CFAP44: variants seen among roughly 807,000 people sequenced by gnomAD.
CFAP44 encodes cilia- and flagella-associated protein 44.
A neutral mutation model predicts 216.2 loss-of-function variants in CFAP44; 134 were observed. That is an observed-to-expected ratio of 0.62 (90% CI 0.54 to 0.72). The LOEUF is 0.72. CFAP44 is among the 30% of genes least tolerant of loss of function. The pLI, the probability that CFAP44 is intolerant of heterozygous loss-of-function variation, is 0.00. For missense variants in CFAP44, 2,035 were observed against 2,182.1 expected, an observed-to-expected ratio of 0.93 and a Z score of 1.34; for synonymous variants, 700 against 727.6, an observed-to-expected ratio of 0.96 and a Z score of 0.61.
chr3:113,312,191 C>G (rs1391142076), intron 28 of CFAP44, among the ~76,000 whole-genome samples: 15 of 150,976 alleles, frequency 9.9e-5, no homozygotes, highest in African/African-American at 3.7e-4. Flanking sequence ...CCTGCCTCAG[C>G]CTCCCAAGTA....
chr3:113,327,631 C>T lies in CFAP44; in HGVS notation c.4305G>A (p.Glu1435=), dbSNP rs1950199863. ...CCACTCATACTTGCATGTACTGTTC[C>T]TCTTTGTCTAAGGAATTAACACGTT... ...LQERVNSLDK[E]EQYMQWKINE... The change falls in exon 27 of 35, where the codon GAG becomes GAA. Residue 1435 remains glutamate, a synonymous_variant. Transcript: ENST00000393845. The T allele has an allele frequency of 1.3e-6, 2 of 1,536,686 alleles. No homozygotes were observed. The highest frequency in any genetic ancestry group is 8.7e-7 in the Non-Finnish European group (1 of 1,146,564).
At chr3:113,399,884 T>C (rs1332043294) in intron 13 of CFAP44, 22 bp downstream of exon 13, 2 of 1,515,592 alleles carry the variant, frequency 1.3e-6, no homozygotes, top group Non-Finnish European at 1.8e-6. Flanking sequence ...ATTCTGGTAG[T>C]TCATTATAAC....
intron 3 of CFAP44, chr3:113,426,843 AT>A (rs1200646628): frequency 4.1e-6 from 1 of 241,304 alleles, no homozygotes; most frequent in Non-Finnish European, 7.8e-6. Flanking sequence ...TCAGGAGTAA[AT>A]GCTGAGTTCT....
intron 1 of CFAP44, among the ~76,000 whole-genome samples, chr3:113,438,515 C>G (rs1018727340): frequency 6.6e-6 from 1 of 152,158 alleles, no homozygotes; most frequent in Admixed American, 6.5e-5. Flanking sequence ...CAGGAAAGCT[C>G]TAAGAATGAT....
In CFAP44 at chr3:113,400,000, C is replaced by T. The variant is rs138169971; in HGVS notation, c.1475G>A (p.Cys492Tyr). Residue 492 changes from cysteine to tyrosine, a missense_variant and splice_region_variant, in exon 13 of 35, where the codon TGC (cysteine) becomes TAC (tyrosine). Cys to Tyr is a radical substitution (Grantham distance 194, BLOSUM62 -2). This residue lies in a region of CFAP44 where 1,883 missense variants were observed against 2,023.7 expected (regional missense o/e 0.93). Coordinates refer to ENST00000393845, the MANE Select transcript of CFAP44 (RefSeq NM_001164496.2). ...AGCAAAATCATAGATTCGAACAGAG[C>T]CTATAGAAAGACAGTTTTAAAAGAA... is the stretch of plus-strand genomic sequence containing the variant. ...TYLMATTALD[C>Y]SVRIYDFASK... 4 of 1,553,202 alleles carry T rather than the reference C, an allele frequency of 2.6e-6. No individual in the cohort carries two copies. The highest frequency in any genetic ancestry group is 4.1e-5 in the Admixed American group (2 of 48,312).
At chr3:113,439,778 T>C (rs1043849190) in intron 1 of CFAP44, among the ~76,000 whole-genome samples, 1 of 152,182 alleles carries the variant, frequency 6.6e-6, no homozygotes, top group Non-Finnish European at 1.5e-5. Context: ...TAAGGTGACA[T>C]TACTCTGATT....
chr3:113,373,653 A>T, intron 17 of CFAP44, 97 bp from the exon 18 acceptor site: 1 of 1,092,666 alleles, frequency 9.2e-7, no homozygotes, highest in Non-Finnish European at 1.2e-6. Context: ...AAAACATAAA[A>T]TAGATGTTTT....
At chr3:113,380,013 T>A (rs564657015) in intron 16 of CFAP44, among the ~76,000 whole-genome samples, 3 of 152,328 alleles carry the variant, frequency 2.0e-5, no homozygotes, top group African/African-American at 7.2e-5. Context: ...TTCAGAATAA[T>A]CTTCCTAACT....
Position 113,287,026 on chromosome 3 carries a change from A to G in CFAP44, c.*4531T>C, listed in dbSNP as rs1037411389. ...ATATGTTTTATAATTCTGGAGAGAC[A>G]TAAGGAGTCCTACCCGTTGAGGTTG... On this transcript the variant is annotated 3_prime_UTR_variant, in exon 35 of 35. Coordinates refer to ENST00000393845, the MANE Select transcript of CFAP44 (RefSeq NM_001164496.2). The G allele has an allele frequency of 1.7e-5, 14 of 845,122 alleles. No homozygotes were observed. The highest frequency in any genetic ancestry group is 1.3e-4 in the African/African-American group (8 of 59,480). 52.4% of individuals were successfully genotyped at this position (845,122 alleles called of 1,614,324 possible). A position where few individuals can be genotyped will look rare whatever the true frequency, so the allele number is the denominator to read the frequency against.
intron 21 of CFAP44, among the ~76,000 whole-genome samples, chr3:113,361,789 C>T (rs932543303): frequency 1.3e-5 from 2 of 151,864 alleles, no homozygotes; most frequent in Non-Finnish European, 2.9e-5. Flanking sequence ...TGAGCCACCG[C>T]GCCCAGCCTA....
Position 113,287,395 on chromosome 3 carries a change from T to C in CFAP44, c.*4162A>G, listed in dbSNP as rs1949776465. 6.3e-6 allele frequency: 1 copy of C among 158,936 alleles called. No homozygotes were observed. The highest frequency in any genetic ancestry group is 2.4e-5 in the African/African-American group (1 of 41,550). The allele number at this position is 158,936 out of a possible 1,614,324, so 9.8% of individuals were successfully genotyped here. On this transcript the variant is annotated 3_prime_UTR_variant, in exon 35 of 35. Transcript: ENST00000393845. ...CCAGAATCAATAATCCGTGGCAACATATCTCTGTAAAAACAAACACTGTAA... is the reference window on the plus strand; with the variant it reads ...CCAGAATCAATAATCCGTGGCAACACATCTCTGTAAAAACAAACACTGTAA...
chr3:113,399,986 A>G lies in CFAP44; in HGVS notation c.1489T>C (p.Tyr497His), dbSNP rs772369484. ...TTALDCSVRI[Y>H]DFASKTPLAQ... ...AAAGGAGTTTTGCTAGCAAAATCAT[A>G]GATTCGAACAGAGCCTATAGAAAGA... Residue 497 changes from tyrosine (Y) to histidine (H), a missense_variant, in exon 13 of 35, where the codon TAT becomes CAT. Tyr to His is a moderately conservative substitution (Grantham distance 83). This residue lies in a region of CFAP44 where 1,883 missense variants were observed against 2,023.7 expected (regional missense o/e 0.93). Coordinates refer to ENST00000393845, the MANE Select transcript of CFAP44 (RefSeq NM_001164496.2). 5 of 1,598,712 alleles carry G rather than the reference A, an allele frequency of 3.1e-6. No homozygotes were observed. The South Asian group carries it at 5.7e-5, about 18-fold the overall frequency.
rs1171845821 is a variant in CFAP44 at position 113,341,789 on chromosome 3, C to G, written c.3392G>C (p.Arg1131Thr). 1 of 1,526,836 alleles carries G rather than the reference C, an allele frequency of 6.5e-7. No individual in the cohort carries two copies. The highest frequency in any genetic ancestry group is 8.7e-7 in the Non-Finnish European group (1 of 1,144,494). 94.6% of individuals were successfully genotyped at this position (1,526,836 alleles called of 1,614,324 possible). A position where few individuals can be genotyped will look rare whatever the true frequency, so the allele number is the denominator to read the frequency against. Residue 1131 changes from arginine to threonine, a missense_variant, in exon 24 of 35, where the codon AGG becomes ACG. Coordinates refer to ENST00000393845, the MANE Select transcript of CFAP44 (RefSeq NM_001164496.2). ...TCGCTGTTGAATCTTTAGTTGTGCC[C>G]TTTCAGCTTTTAATATAAGTTTTCT... The part of the protein sequence containing the change: ...KTRKLILKAE[R>T]AQLKIQQRKK...
chr3:113,330,740 C>CT, intron 25 of CFAP44, 72 bp from the exon 26 acceptor site: 2 of 1,435,742 alleles, frequency 1.4e-6, no homozygotes, highest in Non-Finnish European at 1.8e-6. Context: ...ATGATCTGCT[C>CT]TTTTCTGTTG....
intron 17 of CFAP44, among the ~76,000 whole-genome samples, 196 bp downstream of exon 17, chr3:113,379,110 A>T (rs890325657): frequency 2.0e-5 from 3 of 152,186 alleles, no homozygotes; most frequent in Non-Finnish European, 4.4e-5. Context: ...AGAGATGTTA[A>T]GATTATTTAA....
chr3:113,303,066 T>G lies in CFAP44; in HGVS notation c.5077+850A>C, dbSNP rs190165167. 1.1e-3 allele frequency among the ~76,000 whole-genome samples: 166 copies of G among 152,204 alleles called. 1 individual carries two copies. The highest frequency in any genetic ancestry group is 2.3e-3 in the Admixed American group (35 of 15,296). On this transcript the variant is annotated intron_variant, in intron 32 of 34. Transcript: ENST00000393845. ...TTAACATCTCACAGGCTGGCAAAAA[T>G]ATTAAAGTCTGATAATATCAACTGT...
In CFAP44 at chr3:113,290,216, A is replaced by G. The variant is rs1038762243; in HGVS notation, c.*1341T>C. ...AAAAAAAAAGTGGGTGCTCTCCAGTAGAGAAGTGACTACATCAGAAATTAA... is the reference window on the plus strand; with the variant it reads ...AAAAAAAAAGTGGGTGCTCTCCAGTGGAGAAGTGACTACATCAGAAATTAA... On this transcript the variant is annotated 3_prime_UTR_variant, in exon 35 of 35. Coordinates refer to ENST00000393845, the MANE Select transcript of CFAP44 (RefSeq NM_001164496.2). The G allele has an allele frequency of 6.6e-6, 1 of 152,240 alleles. No homozygotes were observed. The highest frequency in any genetic ancestry group is 1.5e-5 in the Non-Finnish European group (1 of 68,042). 9.4% of individuals were successfully genotyped at this position (152,240 alleles called of 1,614,324 possible). A position where few individuals can be genotyped will look rare whatever the true frequency, so the allele number is the denominator to read the frequency against.
intron 6 of CFAP44, among the ~76,000 whole-genome samples, chr3:113,410,590 T>G (rs1219197648): frequency 6.6e-6 from 1 of 152,222 alleles, no homozygotes; most frequent in Non-Finnish European, 1.5e-5. Flanking sequence ...CTATTGTGAA[T>G]AGTGCCACAA....
chr3:113,365,218 C>G (rs57414437), intron 19 of CFAP44, among the ~76,000 whole-genome samples: 3,806 of 152,202 alleles, frequency 0.025, 57 homozygotes, highest in East Asian at 0.052. Context: ...TTTTTCTGAG[C>G]TGGACCCTCT....
Sources: allele counts gnomAD v4.1 joint callset (sites outside exome capture counted in the v4.1 genomes callset), GRCh38; gene constraint gnomAD v4.1.1; regional missense constraint gnomAD v4.1.1; transcripts MANE v1.5; gene names NCBI Gene and HGNC (gene_info 2026-07-23, HGNC 2026-07-21).